KIRREL3: variants seen among roughly 807,000 people sequenced by gnomAD.
KIRREL3 encodes kin of IRRE-like protein 3.
In KIRREL3, 36 loss-of-function variants were observed where a neutral mutation model predicts 89.7. The observed-to-expected ratio is 0.40, with a 90% CI of 0.31 to 0.53. The LOEUF (loss-of-function observed/expected upper bound fraction) is 0.53. Ranked by LOEUF, KIRREL3 falls within the 20% of genes least tolerant of loss-of-function variation. KIRREL3 has a pLI of 0.49. For synonymous variants in KIRREL3, 445 were observed against 441.4 expected, an observed-to-expected ratio of 1.01 and a Z score of -0.10; for missense variants, 864 against 1,056.6, an observed-to-expected ratio of 0.82 and a Z score of 2.53.
At chr11:126,618,765 A>T (rs373521190) in intron 1 of KIRREL3, among the ~76,000 whole-genome samples, 1 of 152,194 alleles carries the variant, frequency 6.6e-6, no homozygotes, top group Non-Finnish European at 1.5e-5. Flanking sequence ...AGAACAACCT[A>T]ATACACTCAC....
chr11:126,534,904 G>A (rs532616596), intron 2 of KIRREL3, among the ~76,000 whole-genome samples: 1 of 152,320 alleles, frequency 6.6e-6, no homozygotes, highest in Admixed American at 6.5e-5. Flanking sequence ...AGGGGAGGGG[G>A]GCTTGGATGA....
At chr11:126,456,485 G>A (rs369530550) in intron 6 of KIRREL3, 31 bp from the exon 7 acceptor site, 21 of 1,418,486 alleles carry the variant, frequency 1.5e-5, no homozygotes, top group Middle Eastern at 1.8e-4. Flanking sequence ...CTTGTAGACC[G>A]GAGAAAGAAT....
chr11:126,446,717 C>A (rs770267294), intron 9 of KIRREL3, 42 bp downstream of exon 9: 1 of 1,570,768 alleles, frequency 6.4e-7, no homozygotes, highest in Admixed American at 1.8e-5. Context: ...ACTGTCCCCG[C>A]CCCCTGCCAG....
chr11:126,972,927 G>A (rs1433825773), intron 1 of KIRREL3, among the ~76,000 whole-genome samples: 1 of 152,038 alleles, frequency 6.6e-6, no homozygotes, highest in African/African-American at 2.4e-5. Flanking sequence ...CGAACAATGT[G>A]CTGCTCTGGT....
At chr11:126,503,698 A>C (rs1957934452) in intron 4 of KIRREL3, among the ~76,000 whole-genome samples, 2 of 152,020 alleles carry the variant, frequency 1.3e-5, no homozygotes, top group African/African-American at 4.8e-5. Flanking sequence ...ACTGGGAGGT[A>C]ATTAAGCTCA....
intron 1 of KIRREL3, among the ~76,000 whole-genome samples, chr11:126,810,024 C>T (rs904578826): frequency 1.2e-4 from 19 of 152,292 alleles, no homozygotes; most frequent in African/African-American, 4.6e-4. Flanking sequence ...AGATGTCTCT[C>T]ATTCTTAATG....
rs1565683905 is a variant in KIRREL3, at chr11:126,729,380, AG to A, written c.56-166469del. Among the ~76,000 whole-genome samples, 3 of 152,224 alleles carry A rather than the reference AG, an allele frequency of 2.0e-5. No homozygotes were observed. The highest frequency in any genetic ancestry group is 7.2e-5 in the African/African-American group (3 of 41,464). On this transcript the variant is annotated intron_variant, in intron 1 of 16. Transcript: ENST00000525144. This position sits in a 1 kb window ranked among gnomAD's most constrained non-coding sequence, Gnocchi z 4.5. ...GAAGTGGAGCCTGGTGAGGAACAAA[AG>A]GTGTCACAAGGCTCATTTTAGGGAC...
intron 1 of KIRREL3, among the ~76,000 whole-genome samples, chr11:126,785,079 A>T (rs1950445311): frequency 6.6e-6 from 1 of 152,116 alleles, no homozygotes; most frequent in East Asian, 1.9e-4. Context: ...GCCTGTGAAG[A>T]TGAAGTAGGG....
intron 1 of KIRREL3, among the ~76,000 whole-genome samples, chr11:126,925,088 T>G (rs1947645289): frequency 3.5e-5 from 1 of 28,784 alleles, no homozygotes; most frequent in African/African-American, 1.3e-4. Flanking sequence ...CTCCTCACCA[T>G]AAAAAGGTCG....
chr11:126,451,106 T>C (rs1277192293), intron 7 of KIRREL3, among the ~76,000 whole-genome samples: 3 of 96,954 alleles, frequency 3.1e-5, no homozygotes, highest in African/African-American at 1.3e-4. Context: ...TCCATGTGCA[T>C]GTGTGCATGT....
chr11:126,426,066 G>A (rs1415916745), intron 15 of KIRREL3, among the ~76,000 whole-genome samples: 1 of 152,176 alleles, frequency 6.6e-6, no homozygotes, highest in African/African-American at 2.4e-5. Flanking sequence ...GTAAAATGCC[G>A]GCCAGTTGCT....
chr11:126,429,414 G>A lies in KIRREL3; in HGVS notation c.1697-126C>T, dbSNP rs1302086392. The A allele has an allele frequency of 1.2e-5, 8 of 677,488 alleles. No homozygotes were observed. Among genetic ancestry groups the A allele is most frequent in the South Asian group, 8.2e-5 (5 of 61,306 alleles). 42.0% of individuals were successfully genotyped at this position (677,488 alleles called of 1,614,324 possible). ...ATTTCCCCTCCAGCCCCTGAACTCA[G>A]CAGCTTCACCAGCCCCCCACCAATA... On this transcript the variant is annotated intron_variant, in intron 14 of 16. Coordinates refer to ENST00000525144, the MANE Select transcript of KIRREL3 (RefSeq NM_032531.4). The surrounding 1 kb of genome is among the most constrained non-coding windows in gnomAD (Gnocchi z 5.2).
intron 11 of KIRREL3, among the ~76,000 whole-genome samples, chr11:126,438,092 C>A (rs76387651): frequency 6.6e-6 from 1 of 152,232 alleles, no homozygotes; most frequent in African/African-American, 2.4e-5. Flanking sequence ...TCTTTCTGGG[C>A]AAAGTGGGTG....
rs146481114 is a variant in KIRREL3, at chr11:126,530,352, T to C, written c.134-3665A>G. Among the ~76,000 whole-genome samples, 884 of 152,312 alleles carry C rather than the reference T, an allele frequency of 5.8e-3. 5 individuals are homozygous for C. Among genetic ancestry groups the C allele is most frequent in the Non-Finnish European group, 9.4e-3 (640 of 68,014 alleles). Reference sequence around the variant, plus strand: ...CTCCCACCTCAGCCTCCTGAAGTGCTGGGATTACAGGCATGAGCCACCATG... The same window carrying C: ...CTCCCACCTCAGCCTCCTGAAGTGCCGGGATTACAGGCATGAGCCACCATG... On this transcript the variant is annotated intron_variant, in intron 2 of 16. Coordinates refer to ENST00000525144, the MANE Select transcript of KIRREL3 (RefSeq NM_032531.4). This position sits in a 1 kb window ranked among gnomAD's most constrained non-coding sequence, Gnocchi z 5.8.
At position 126,615,541 on chromosome 11, in the gene KIRREL3, C is replaced by T. The variant is rs1245397017; in HGVS notation, c.56-52629G>A. 6.6e-6 allele frequency among the ~76,000 whole-genome samples: 1 copy of T among 152,098 alleles called. No individual in the cohort carries two copies. Among genetic ancestry groups the T allele is most frequent in the Admixed American group, 6.5e-5 (1 of 15,274 alleles). ...CTCAAAAACCTGTGTTCCTAACCAT[C>T]CTGCCCACCAGGATCCTGGAGGTAT... On this transcript the variant is annotated intron_variant, in intron 1 of 16. Transcript: ENST00000525144. The surrounding 1 kb of genome is among the most constrained non-coding windows in gnomAD (Gnocchi z 5.4).
At chr11:126,547,170 G>A (rs1938872278) in intron 2 of KIRREL3, among the ~76,000 whole-genome samples, 1 of 152,150 alleles carries the variant, frequency 6.6e-6, no homozygotes, top group Non-Finnish European at 1.5e-5. Context: ...GGCAGATCTG[G>A]GCTCTAAAAC....
At chr11:126,717,670 CT>C (rs1948019142) in intron 1 of KIRREL3, among the ~76,000 whole-genome samples, 1 of 152,200 alleles carries the variant, frequency 6.6e-6, no homozygotes, top group African/African-American at 2.4e-5. Flanking sequence ...CATTGCCAAA[CT>C]AAGTAGTCAG....
At position 126,462,538 on chromosome 11, in the gene KIRREL3, G is replaced by A. The variant is rs1176152284; in HGVS notation, c.742+619C>T. On this transcript the variant is annotated intron_variant, in intron 6 of 16. Coordinates refer to ENST00000525144, the MANE Select transcript of KIRREL3 (RefSeq NM_032531.4). The surrounding 1 kb of genome is among the most constrained non-coding windows in gnomAD (Gnocchi z 4.8). ...AAATTAGCTGGGTGTAGTGATGGATGCCTGTCATCCCAGCTACTCAGGCAG... is the reference window on the plus strand; with the variant it reads ...AAATTAGCTGGGTGTAGTGATGGATACCTGTCATCCCAGCTACTCAGGCAG... Among the ~76,000 whole-genome samples the A allele has an allele frequency of 6.6e-6, 1 of 152,144 alleles. No individual in the cohort carries two copies. The highest frequency in any genetic ancestry group is 1.5e-5 in the Non-Finnish European group (1 of 68,032).
intron 1 of KIRREL3, among the ~76,000 whole-genome samples, chr11:126,757,363 G>T (rs576246734): frequency 6.6e-6 from 1 of 152,226 alleles, no homozygotes; most frequent in Admixed American, 6.5e-5. Flanking sequence ...AAGTGCAGAG[G>T]TTTCATAATA....
Sources: gnomAD v4.1 joint callset for allele counts (sites outside exome capture counted in the v4.1 genomes callset) on GRCh38, gnomAD v4.1.1 for gene constraint, Gnocchi (gnomAD v3.1) non-coding constraint, MANE v1.5 for transcripts, NCBI Gene and HGNC (gene_info 2026-07-23, HGNC 2026-07-21) for gene names.